Variants in GAN observed in about 807,000 individuals in gnomAD.
GAN encodes epididymis secretory sperm binding protein.
Under a neutral mutation model 71.3 loss-of-function variants are expected in GAN, and 48 were observed. That is an observed-to-expected ratio of 0.67 (90% confidence interval 0.53 to 0.86). GAN has a LOEUF of 0.86. GAN is among the 40% of genes least tolerant of loss of function. The pLI is 0.00. For synonymous variants in GAN, 386 were observed against 276.8 expected (o/e 1.39, Z -3.92); for missense variants, 928 against 770.1 (o/e 1.21, Z -2.43).
At chr16:81,356,759 C>T in intron 3 of GAN, 26 bp from the exon 4 acceptor site, 4 of 1,480,190 alleles carry the variant, frequency 2.7e-6, no homozygotes, top group Non-Finnish European at 3.8e-6. Context: ...ATTGTTTTCG[C>T]CCCATCTTTC....
chr16:81,316,439 T>A (rs1909043855), intron 1 of GAN, among the ~76,000 whole-genome samples: 1 of 147,598 alleles, frequency 6.8e-6, no homozygotes, highest in Non-Finnish European at 1.5e-5. Context: ...TTCTCTTGGA[T>A]TTGTTTTGTG....
chr16:81,346,119 A>C (rs562720318), intron 1 of GAN, among the ~76,000 whole-genome samples: 83 of 152,366 alleles, frequency 5.4e-4, no homozygotes, highest in African/African-American at 1.9e-3. Context: ...AGTGGCTGTT[A>C]GTGTCCATCT....
intron 1 of GAN, among the ~76,000 whole-genome samples, chr16:81,318,183 T>C (rs1909108503): frequency 6.6e-6 from 1 of 152,230 alleles, no homozygotes; most frequent in Non-Finnish European, 1.5e-5. Flanking sequence ...ATTCTAGAAC[T>C]TGATGTTTCT....
intron 9 of GAN, among the ~76,000 whole-genome samples, chr16:81,370,961 T>C (rs1253291796): frequency 6.6e-6 from 1 of 150,716 alleles, no homozygotes; most frequent in Non-Finnish European, 1.5e-5. Context: ...AGCACCACTC[T>C]AGCTGGACAT....
intron 1 of GAN, among the ~76,000 whole-genome samples, chr16:81,318,267 T>C (rs1232038817): frequency 6.6e-6 from 1 of 152,220 alleles, no homozygotes; most frequent in Admixed American, 6.5e-5. Flanking sequence ...TTCAAAAGTT[T>C]GGTAATCTCT....
intron 1 of GAN, among the ~76,000 whole-genome samples, chr16:81,338,932 G>A (rs941047636): frequency 6.6e-6 from 1 of 152,368 alleles, no homozygotes; most frequent in Non-Finnish European, 1.5e-5. Flanking sequence ...GGCATGTGCA[G>A]GCTGGTGATG....
Position 81,361,443 on chromosome 16 carries a change from C to T in GAN, c.974-1056C>T, listed in dbSNP as rs577271391. Among the ~76,000 whole-genome samples the T allele has an allele frequency of 3.9e-5, 6 of 152,230 alleles. No homozygotes were observed. In the East Asian group the frequency reaches 5.8e-4, roughly 15 times the overall value. Reference sequence around the variant, plus strand: ...TAGCAAGGAGATTTAAATCTGAGTACGAATTCTGGTTGGCCTTCATCCTGA... The same window carrying T: ...TAGCAAGGAGATTTAAATCTGAGTATGAATTCTGGTTGGCCTTCATCCTGA... On this transcript the variant is annotated intron_variant, in intron 5 of 10. Coordinates refer to ENST00000648994, the MANE Select transcript of GAN (RefSeq NM_022041.4).
At chr16:81,365,201 C>G in intron 8 of GAN, 91 bp downstream of exon 8, 1 of 1,564,634 alleles carries the variant, frequency 6.4e-7, no homozygotes. Flanking sequence ...TCTTTTCTTT[C>G]AGAGTAACCT....
chr16:81,326,200 C>T (rs916389676), intron 1 of GAN, among the ~76,000 whole-genome samples: 14 of 152,090 alleles, frequency 9.2e-5, no homozygotes, highest in African/African-American at 2.7e-4. Context: ...GCACTCAGTC[C>T]GTAAGCAGAA....
chr16:81,316,695 G>T (rs544810983), intron 1 of GAN, among the ~76,000 whole-genome samples: 1 of 152,140 alleles, frequency 6.6e-6, no homozygotes, highest in East Asian at 1.9e-4. Flanking sequence ...TCTTTAAATG[G>T]CATCCGTTTG....
chr16:81,346,114 C>T (rs1219257098), intron 1 of GAN, among the ~76,000 whole-genome samples: 1 of 152,194 alleles, frequency 6.6e-6, no homozygotes, highest in African/African-American at 2.4e-5. Context: ...TTTTTAGTGG[C>T]TGTTAGTGTC....
Position 81,378,656 on chromosome 16 carries a change from T to C in GAN, c.*1060T>C, listed in dbSNP as rs1021311086. On this transcript the variant is annotated 3_prime_UTR_variant, in exon 11 of 11. Coordinates refer to ENST00000648994, the MANE Select transcript of GAN (RefSeq NM_022041.4). ...TGTGTTAAGAATCTAGTCTTTGTAATAGAAGTTTCCCAGTGGCATTCACTA... is the reference window on the plus strand; with the variant it reads ...TGTGTTAAGAATCTAGTCTTTGTAACAGAAGTTTCCCAGTGGCATTCACTA... 1 of 152,680 alleles carries C rather than the reference T, an allele frequency of 6.5e-6. No homozygotes were observed. The highest frequency in any genetic ancestry group is 2.4e-5 in the African/African-American group (1 of 41,468). 9.5% of individuals were successfully genotyped at this position (152,680 alleles called of 1,614,324 possible). A position where few individuals can be genotyped will look rare whatever the true frequency, so the allele number is the denominator to read the frequency against.
In GAN at chr16:81,387,429, C is replaced by G. The variant is rs1379388388; in HGVS notation, c.*9833C>G. 6.6e-6 allele frequency: 1 copy of G among 152,224 alleles called. No individual in the cohort carries two copies. Among genetic ancestry groups the G allele is most frequent in the Non-Finnish European group, 1.5e-5 (1 of 68,112 alleles). 9.4% of individuals were successfully genotyped at this position (152,224 alleles called of 1,614,324 possible). Reference sequence around the variant, plus strand: ...TGTCATGGTTTTGTCTTGTCCTCCTCCCTGGTGAAAGTCTACTGCAGTTTT... The same window carrying G: ...TGTCATGGTTTTGTCTTGTCCTCCTGCCTGGTGAAAGTCTACTGCAGTTTT... On this transcript the variant is annotated 3_prime_UTR_variant, in exon 11 of 11. Transcript: ENST00000648994.
chr16:81,372,228 T>G lies in GAN; in HGVS notation c.1503-4991T>G, dbSNP rs184685435. On this transcript the variant is annotated intron_variant, in intron 9 of 10. Coordinates refer to ENST00000648994, the MANE Select transcript of GAN (RefSeq NM_022041.4). Reference sequence around the variant, plus strand: ...GCCCCCATGTACTGACAAGCCCGTTTGAAAACATTATAACTGAAGACATGA... The same window carrying G: ...GCCCCCATGTACTGACAAGCCCGTTGGAAAACATTATAACTGAAGACATGA... 2.1e-3 allele frequency among the ~76,000 whole-genome samples: 316 copies of G among 152,354 alleles called. 2 individuals carry two copies. Among genetic ancestry groups the G allele is most frequent in the Middle Eastern group, 0.014 (4 of 294 alleles).
chr16:81,360,449 G>A (rs935142477), intron 5 of GAN, among the ~76,000 whole-genome samples: 23 of 152,052 alleles, frequency 1.5e-4, no homozygotes, highest in Non-Finnish European at 1.6e-4. Context: ...TCTCTGGTGT[G>A]TATTTAAAAT....
intron 9 of GAN, among the ~76,000 whole-genome samples, chr16:81,375,086 T>C (rs1305782667): frequency 6.6e-6 from 1 of 152,180 alleles, no homozygotes; most frequent in Non-Finnish European, 1.5e-5. Flanking sequence ...AAACTGTGAC[T>C]GTAAAAGAAG....
At chr16:81,355,733 A>C (rs1274932171) in intron 3 of GAN, among the ~76,000 whole-genome samples, 1 of 152,218 alleles carries the variant, frequency 6.6e-6, no homozygotes, top group Non-Finnish European at 1.5e-5. Context: ...AAAATAAGAA[A>C]TATATTAGGT....
At chr16:81,331,287 A>T (rs369831763) in intron 1 of GAN, among the ~76,000 whole-genome samples, 1 of 152,246 alleles carries the variant, frequency 6.6e-6, no homozygotes, top group East Asian at 1.9e-4. Flanking sequence ...GTCATGAAAG[A>T]CAAGGAAGGA....
chr16:81,377,600 G>A lies in GAN; in HGVS notation c.*4G>A, dbSNP rs769227811. On this transcript the variant is annotated 3_prime_UTR_variant, in exon 11 of 11. Transcript: ENST00000648994. ...TATTCGTGTTCATTCCCCTTGAGGA[G>A]GAAGCAGAGCAGAGTGCGAGATCCT... 4 of 1,613,584 alleles carry A rather than the reference G, an allele frequency of 2.5e-6. No individual in the cohort carries two copies. Among genetic ancestry groups the A allele is most frequent in the Admixed American group, 1.7e-5 (1 of 60,004 alleles).
Sources: allele counts gnomAD v4.1 joint callset (sites outside exome capture counted in the v4.1 genomes callset), GRCh38; gene constraint gnomAD v4.1.1; transcripts MANE v1.5; gene names NCBI Gene and HGNC (gene_info 2026-07-23, HGNC 2026-07-21).